Variants in FANCB observed in about 807,000 individuals in gnomAD.
The protein encoded by FANCB is FA complementation group B.
Under a neutral mutation model 38.9 loss-of-function variants are expected in FANCB, and 5 were observed. The observed-to-expected ratio is 0.13, with a 90% confidence interval of 0.07 to 0.27. The LOEUF (loss-of-function observed/expected upper bound fraction) is 0.27. FANCB is among the 10% of genes least tolerant of loss of function. The pLI, the probability that FANCB is intolerant of heterozygous loss-of-function variation, is 1.00. For synonymous variants in FANCB, 236 were observed against 215.4 expected (o/e 1.10, Z -0.84); for missense variants, 573 against 602.7 (o/e 0.95, Z 0.52).
the FANCB span, among the ~76,000 whole-genome samples, chrX:14,814,997 A>C: frequency 1.8e-5 from 2 of 112,115 alleles, no homozygotes; most frequent in South Asian, 7.4e-4. Context: ...GTCATAAAAG[A>C]GGATGAGTTC....
chrX:14,762,642 C>T, the FANCB span, among the ~76,000 whole-genome samples: 1 of 112,206 alleles, frequency 8.9e-6, no homozygotes, highest in South Asian at 3.7e-4. Context: ...AATCTACCAA[C>T]CTCCACATTT....
At chrX:14,826,792 G>GT in the FANCB span, among the ~76,000 whole-genome samples, 1 of 112,097 alleles carries the variant, frequency 8.9e-6, no homozygotes, top group Non-Finnish European at 1.9e-5. Flanking sequence ...CTTTTTGTAT[G>GT]TGACTGAATT....
chrX:14,736,629 C>T, the FANCB span, among the ~76,000 whole-genome samples: 6 of 110,620 alleles, frequency 5.4e-5, no homozygotes, highest in Non-Finnish European at 1.1e-4. Flanking sequence ...GCAGAAATCA[C>T]CCACCTTCTA....
At chrX:14,729,700 C>T in the FANCB span, among the ~76,000 whole-genome samples, 4 of 111,268 alleles carry the variant, frequency 3.6e-5, no homozygotes, top group South Asian at 3.8e-4. Flanking sequence ...TTAGATGTAA[C>T]ATCAACATTA....
intron 3 of FANCB, among the ~76,000 whole-genome samples, chrX:14,861,387 T>C (rs1415806794): frequency 1.8e-5 from 2 of 111,850 alleles, no homozygotes; most frequent in African/African-American, 6.5e-5. Context: ...ACTAACCTTG[T>C]TTTCATTATT....
At chrX:14,798,708 C>T in the FANCB span, among the ~76,000 whole-genome samples, 2 of 111,919 alleles carry the variant, frequency 1.8e-5, no homozygotes, top group Non-Finnish European at 3.8e-5. Flanking sequence ...CATGACAGAA[C>T]GTGATCAAGT....
downstream of FANCB, chrX:14,835,846 T>C (rs1371095860): frequency 8.9e-6 from 1 of 112,551 alleles, no homozygotes; most frequent in Non-Finnish European, 1.9e-5. Context: ...AGTGCAGTTA[T>C]TATTAAAAAT....
rs188254286 is a variant in FANCB, at chrX:14,857,660, C to T, written c.1197+202G>A. Reference sequence around the variant, plus strand: ...TTATTAAATCTATATAGTCTTACTACAAAAAAGGTATGTTTAGATGATACA... The same window carrying T: ...TTATTAAATCTATATAGTCTTACTATAAAAAAGGTATGTTTAGATGATACA... On this transcript the variant is annotated intron_variant, in intron 5 of 9. Transcript: ENST00000650831. Among the ~76,000 whole-genome samples, 3 of 111,388 alleles carry T rather than the reference C, an allele frequency of 2.7e-5. No individual in the cohort carries two copies. In the Admixed American group the frequency reaches 2.9e-4, roughly 11 times the overall value.
the FANCB span, among the ~76,000 whole-genome samples, chrX:14,805,354 C>T: frequency 9.0e-6 from 1 of 111,640 alleles, no homozygotes; most frequent in Non-Finnish European, 1.9e-5. Flanking sequence ...TGAGGGTCCA[C>T]AGCTTGCTAC....
the FANCB span, among the ~76,000 whole-genome samples, chrX:14,825,353 T>C: frequency 4.5e-5 from 5 of 112,032 alleles, no homozygotes; most frequent in Non-Finnish European, 9.4e-5. Flanking sequence ...ATGTCTCACA[T>C]GTCTATTATA....
the FANCB span, among the ~76,000 whole-genome samples, chrX:14,749,712 GCACGT>G: frequency 8.9e-6 from 1 of 111,809 alleles, no homozygotes; most frequent in African/African-American, 3.3e-5. Context: ...ACAGACACTG[GCACGT>G]CAGAGAGGAG....
At chrX:14,842,977 T>C (rs1048637070), downstream of FANCB, among the ~76,000 whole-genome samples, 1 of 112,145 alleles carries the variant, frequency 8.9e-6, no homozygotes, top group Non-Finnish European at 1.9e-5. Context: ...TAAATTTCTG[T>C]AGGAGAAATA....
Position 14,864,572 on chromosome X carries a change from T to C in FANCB, c.939A>G (p.Lys313=), listed in dbSNP as rs767512088. Residue 313 remains lysine (K), a synonymous_variant, in exon 3 of 10, where the codon AAA becomes AAG. Coordinates refer to ENST00000650831, the MANE Select transcript of FANCB (RefSeq NM_001018113.3). The part of the protein sequence containing the change: ...FISNNACAVW[K]ESFQVAAKWE... ...ATAAGTGTTGTACCTGAAAGCTCTCTTTCCATACAGCACAAGCATTATTGG... is the reference window on the plus strand; with the variant it reads ...ATAAGTGTTGTACCTGAAAGCTCTCCTTCCATACAGCACAAGCATTATTGG... 19 of 1,178,855 alleles carry C rather than the reference T, an allele frequency of 1.6e-5. No individual in the cohort carries two copies. The highest frequency in any genetic ancestry group is 2.0e-5 in the Non-Finnish European group (17 of 865,374).
the FANCB span, among the ~76,000 whole-genome samples, chrX:14,792,134 G>A: frequency 1.8e-5 from 2 of 111,654 alleles, no homozygotes; most frequent in Non-Finnish European, 3.8e-5. Context: ...AAGAACATCG[G>A]GAGCATTAGT....
the FANCB span, among the ~76,000 whole-genome samples, chrX:14,709,504 C>T: frequency 1.2e-4 from 14 of 112,044 alleles, no homozygotes; most frequent in Non-Finnish European, 2.6e-4. Context: ...CTTGGAAATG[C>T]ACTACAGATA....
intron 4 of FANCB, among the ~76,000 whole-genome samples, chrX:14,858,856 T>C (rs2092434323): frequency 9.0e-6 from 1 of 111,707 alleles, no homozygotes; most frequent in Admixed American, 9.5e-5. Flanking sequence ...TTCATTTTAT[T>C]CCTTATTTAA....
At chrX:14,748,718 T>A in the FANCB span, among the ~76,000 whole-genome samples, 1 of 110,803 alleles carries the variant, frequency 9.0e-6, no homozygotes, top group Non-Finnish European at 1.9e-5. Flanking sequence ...TCACTTTAAA[T>A]CAAGGCCAAA....
chrX:14,826,363 G>A, the FANCB span, among the ~76,000 whole-genome samples: 1 of 111,893 alleles, frequency 8.9e-6, no homozygotes, highest in Admixed American at 9.5e-5. Context: ...CCGTTATTAA[G>A]TTACTTTGGA....
the FANCB span, among the ~76,000 whole-genome samples, chrX:14,729,252 T>A: frequency 9.0e-6 from 1 of 111,305 alleles, no homozygotes; most frequent in East Asian, 2.8e-4. Flanking sequence ...CTCAGAGGAG[T>A]TGCATGTTAT....
Sources: gnomAD v4.1 joint callset for allele counts (sites outside exome capture counted in the v4.1 genomes callset) on GRCh38, gnomAD v4.1.1 for gene constraint, MANE v1.5 for transcripts, NCBI Gene and HGNC (gene_info 2026-07-23, HGNC 2026-07-21) for gene names.